PM20D1: variants seen among roughly 807,000 people sequenced by gnomAD.
PM20D1 encodes peptidase M20 domain containing 1.
A neutral mutation model predicts 53.8 loss-of-function variants in PM20D1; 53 were observed. The ratio of observed to expected loss-of-function variants is 0.98; its 90% CI spans 0.79 to 1.24. The LOEUF is 1.24. Among genes scored for constraint, PM20D1 ranks in the 50% most tolerant of loss-of-function variants. The pLI, the probability that PM20D1 is intolerant of heterozygous loss-of-function variation, is 0.00. For synonymous variants in PM20D1, 239 were observed against 241.3 expected (o/e 0.99, Z 0.09); for missense variants, 564 against 616.8 (o/e 0.91, Z 0.91).
In PM20D1 at chr1:205,832,819, A is replaced by G. The variant is rs1656592074; in HGVS notation, c.1117-53T>C. Reference sequence around the variant, plus strand: ...ATTTCTTATTGATTTCTATACATGTACAATATGGGCTTAAATATCCTGATT... The same window carrying G: ...ATTTCTTATTGATTTCTATACATGTGCAATATGGGCTTAAATATCCTGATT... On this transcript the variant is annotated intron_variant, in intron 10 of 12. Transcript: ENST00000367136. The G allele has an allele frequency of 8.7e-6, 13 of 1,491,106 alleles. No homozygotes were observed. The South Asian group carries it at 1.8e-4, about 20-fold the overall frequency. The allele number at this position is 1,491,106 out of a possible 1,614,324, so 92.4% of individuals were successfully genotyped here.
chr1:205,845,708 C>A, intron 2 of PM20D1, 151 bp from the exon 3 acceptor site: 1 of 637,014 alleles, frequency 1.6e-6, no homozygotes, highest in South Asian at 2.0e-5. Context: ...TAGTCTGATT[C>A]CTGATCTACC....
intron 8 of PM20D1, 54 bp downstream of exon 8, chr1:205,842,100 G>T (rs112386016): frequency 6.5e-7 from 1 of 1,536,726 alleles, no homozygotes; most frequent in Non-Finnish European, 9.0e-7. Flanking sequence ...AGGGGCCTGG[G>T]GGGTGGGTAG....
intron 11 of PM20D1, 40 bp from the exon 12 acceptor site, chr1:205,830,419 G>A: frequency 6.9e-7 from 1 of 1,446,958 alleles, no homozygotes; most frequent in African/African-American, 1.4e-5. Flanking sequence ...CTTTACATGA[G>A]CAATCAAACC....
At chr1:205,838,596 T>G (rs1656735728) in intron 10 of PM20D1, among the ~76,000 whole-genome samples, 1 of 152,196 alleles carries the variant, frequency 6.6e-6, no homozygotes, top group Non-Finnish European at 1.5e-5. Flanking sequence ...CTTCTTCCCA[T>G]GGGCTTTTAT....
chr1:205,845,433 A>G lies in PM20D1; in HGVS notation c.381T>C (p.Asp127=). ...AGCCTTCTTCAGGGGCAGGCACCAC[A>G]TCAAAGTGAGCCATCAGCAGGTAGG... ...LQPYLLMAHF[D]VVPAPEEGWE... The change falls in exon 3 of 13, where the codon GAT becomes GAC. Residue 127 remains aspartate, a synonymous_variant. Transcript: ENST00000367136. 6.2e-7 allele frequency: 1 copy of G among 1,614,214 alleles called. No individual in the cohort carries two copies.
At chr1:205,832,221 C>G (rs1413436584) in intron 11 of PM20D1, among the ~76,000 whole-genome samples, 1 of 152,102 alleles carries the variant, frequency 6.6e-6, no homozygotes, top group Non-Finnish European at 1.5e-5. Flanking sequence ...CTTTTCTGAG[C>G]TGAGGATTCT....
chr1:205,849,137 C>G (rs768888565), intron 1 of PM20D1, among the ~76,000 whole-genome samples: 4 of 152,278 alleles, frequency 2.6e-5, no homozygotes, highest in Non-Finnish European at 5.9e-5. Context: ...TTTATGCAGG[C>G]AGTCTCTCTT....
intron 2 of PM20D1, among the ~76,000 whole-genome samples, 198 bp from the exon 3 acceptor site, chr1:205,845,755 A>G (rs1032669829): frequency 2.0e-5 from 3 of 152,168 alleles, no homozygotes; most frequent in South Asian, 2.1e-4. Flanking sequence ...CCATATTTCA[A>G]TGTGCTATTA....
Position 205,832,730 on chromosome 1 carries a change from T to C in PM20D1, c.1153A>G (p.Arg385Gly), listed in dbSNP as rs767045170. Residue 385 changes from arginine (R) to glycine (G), a missense_variant, in exon 11 of 13, where the codon AGA (arginine) becomes GGA (glycine). Arg to Gly is a moderately radical substitution (Grantham distance 125). Transcript: ENST00000367136. ...ELTKNIVADN[R>G]VQFHVLSAFD... ...GCACTCAACACATGGAACTGGACTC[T>C]GTTATCAGCCACAATGTTCTTCGTG... 1.1e-5 allele frequency: 17 copies of C among 1,611,002 alleles called. No individual in the cohort carries two copies. In the South Asian group the frequency reaches 1.8e-4, roughly 17 times the overall value.
chr1:205,834,731 G>T (rs938960992), intron 10 of PM20D1, among the ~76,000 whole-genome samples: 1 of 152,208 alleles, frequency 6.6e-6, no homozygotes, highest in Admixed American at 6.5e-5. Context: ...CCATGAGGTG[G>T]GTTGGGACTG....
chr1:205,828,259 T>G lies in PM20D1; in HGVS notation c.*361A>C. 5.6e-6 allele frequency: 1 copy of G among 177,214 alleles called. No homozygotes were observed. Among genetic ancestry groups the G allele is most frequent in the Non-Finnish European group, 1.2e-5 (1 of 84,262 alleles). The allele number at this position is 177,214 out of a possible 1,614,324, so 11.0% of individuals were successfully genotyped here. ...TCTGGAGAAAGCATCCCAGCAAGAG[T>G]GCCCTAAATTAAAGACTCCTATCAG... On this transcript the variant is annotated 3_prime_UTR_variant, in exon 13 of 13. Coordinates refer to ENST00000367136, the MANE Select transcript of PM20D1 (RefSeq NM_152491.5).
At chr1:205,834,113 G>A (rs1250533732) in intron 10 of PM20D1, among the ~76,000 whole-genome samples, 1 of 148,214 alleles carries the variant, frequency 6.7e-6, no homozygotes, top group East Asian at 2.0e-4. Context: ...CTCCCAAACT[G>A]TTGGGATTAC....
At chr1:205,830,202 C>G (rs1365580095) in intron 12 of PM20D1, 78 bp downstream of exon 12, 1 of 1,133,594 alleles carries the variant, frequency 8.8e-7, no homozygotes, top group Admixed American at 1.8e-5. Flanking sequence ...TGTGGACTGC[C>G]AGGAGCATGG....
At position 205,845,320 on chromosome 1, in the gene PM20D1, C is replaced by T; in HGVS notation, c.489+5G>A. 6.2e-7 allele frequency: 1 copy of T among 1,612,208 alleles called. No individual in the cohort carries two copies. Among genetic ancestry groups the T allele is most frequent in the Non-Finnish European group, 8.5e-7 (1 of 1,178,222 alleles). The stretch of plus-strand genomic sequence containing the variant: ...CCAAGGCAGAGGGAACATTGCATCT[C>T]AGACCATCACAGAGTTCTTGTCGTC... On this transcript the variant is annotated splice_donor_5th_base_variant and intron_variant, in intron 3 of 12. Coordinates refer to ENST00000367136, the MANE Select transcript of PM20D1 (RefSeq NM_152491.5).
At chr1:205,830,232 A>T in intron 12 of PM20D1, 48 bp downstream of exon 12, 2 of 1,354,648 alleles carry the variant, frequency 1.5e-6, no homozygotes, top group East Asian at 2.3e-5. Flanking sequence ...AGGACACATC[A>T]AGTGTATTTC....
intron 4 of PM20D1, among the ~76,000 whole-genome samples, chr1:205,844,531 C>T (rs1355055285): frequency 1.3e-5 from 2 of 152,114 alleles, no homozygotes; most frequent in African/African-American, 4.8e-5. Context: ...GTTCTTTTTC[C>T]ATCACACGTA....
At chr1:205,833,682 G>A (rs1271306506) in intron 10 of PM20D1, among the ~76,000 whole-genome samples, 2 of 152,152 alleles carry the variant, frequency 1.3e-5, no homozygotes, top group African/African-American at 4.8e-5. Flanking sequence ...AGAGCCACGT[G>A]GGAATGGACC....
chr1:205,843,079 C>A (rs972817904), intron 6 of PM20D1, among the ~76,000 whole-genome samples: 1 of 152,174 alleles, frequency 6.6e-6, no homozygotes, highest in Middle Eastern at 3.2e-3. Context: ...GCACTCCTTC[C>A]CACTTTGCTA....
At chr1:205,832,314 G>C (rs979815766) in intron 11 of PM20D1, among the ~76,000 whole-genome samples, 1 of 152,204 alleles carries the variant, frequency 6.6e-6, no homozygotes, top group Admixed American at 6.5e-5. Flanking sequence ...GGCTCCTAGA[G>C]AGGAGGGAGT....
Sources: allele counts gnomAD v4.1 joint callset (sites outside exome capture counted in the v4.1 genomes callset), GRCh38; gene constraint gnomAD v4.1.1; transcripts MANE v1.5; gene names NCBI Gene and HGNC (gene_info 2026-07-23, HGNC 2026-07-21).